The following KCNK2 variants were observed in gnomAD, a reference collection of about 807,000 sequenced individuals.
KCNK2 encodes potassium channel subfamily K member 2.
In KCNK2, 21 loss-of-function variants were observed where a neutral mutation model predicts 40.5. The observed-to-expected ratio is 0.52, with a 90% CI of 0.37 to 0.75. KCNK2 has a LOEUF of 0.75. Among genes scored for constraint, KCNK2 ranks in the 30% least tolerant of loss-of-function variants. KCNK2 has a pLI of 0.00. For missense variants in KCNK2, 399 were observed against 531.6 expected, an observed-to-expected ratio of 0.75 and a Z score of 2.45; for synonymous variants, 191 against 202.2, an observed-to-expected ratio of 0.94 and a Z score of 0.47.
At chr1:215,074,897 TG>T (rs1368647244) in intron 1 of KCNK2, among the ~76,000 whole-genome samples, 3 of 152,158 alleles carry the variant, frequency 2.0e-5, no homozygotes, top group Admixed American at 2.0e-4. Context: ...CTCCCGAAAA[TG>T]GAGTAAATTC....
upstream of KCNK2, among the ~76,000 whole-genome samples, chr1:215,080,149 T>A (rs925766919): frequency 9.9e-5 from 15 of 152,020 alleles, no homozygotes; most frequent in East Asian, 1.9e-4. Flanking sequence ...GTTCCATGAG[T>A]CTGGAAAAAC....
intron 6 of KCNK2, among the ~76,000 whole-genome samples, chr1:215,196,609 G>T (rs960002836): frequency 3.3e-5 from 5 of 152,122 alleles, no homozygotes; most frequent in African/African-American, 1.2e-4. Flanking sequence ...TAAACTGTAT[G>T]AAAAGCCTTG....
intron 1 of KCNK2, among the ~76,000 whole-genome samples, chr1:215,060,955 A>G (rs61818277): frequency 6.6e-6 from 1 of 152,196 alleles, no homozygotes; most frequent in African/African-American, 2.4e-5. Flanking sequence ...GAAGACATGA[A>G]TGTTAGGAAA....
intron 3 of KCNK2, among the ~76,000 whole-genome samples, chr1:215,133,154 C>T (rs1661749566): frequency 6.6e-6 from 1 of 152,154 alleles, no homozygotes; most frequent in Non-Finnish European, 1.5e-5. Flanking sequence ...TTGCCCATAT[C>T]TCTAGTGTAA....
intron 5 of KCNK2, among the ~76,000 whole-genome samples, chr1:215,176,120 T>A (rs904286111): frequency 2.0e-5 from 3 of 152,158 alleles, no homozygotes; most frequent in Admixed American, 2.0e-4. Flanking sequence ...CGTCAGTGTG[T>A]AAGCATTCTC....
Position 215,235,141 on chromosome 1 carries a change from A to G in KCNK2, c.1277A>G (p.Lys426Arg), listed in dbSNP as rs1256367886. ...GEEIAVIENI[K>R] ...GAGATTGCTGTGATTGAGAACATCAAATAGCCCTCTCTTTAAATAACCTTA... is the reference window on the plus strand; with the variant it reads ...GAGATTGCTGTGATTGAGAACATCAGATAGCCCTCTCTTTAAATAACCTTA... Residue 426 changes from lysine to arginine, a missense_variant, in exon 7 of 7, where the codon AAA (lysine) becomes AGA (arginine). Coordinates refer to ENST00000444842, the MANE Select transcript of KCNK2 (RefSeq NM_001017425.3). 6.3e-7 allele frequency: 1 copy of G among 1,593,166 alleles called. No individual in the cohort carries two copies. The highest frequency in any genetic ancestry group is 2.3e-5 in the East Asian group (1 of 44,240).
At chr1:215,172,634 A>G (rs1037548582) in intron 5 of KCNK2, among the ~76,000 whole-genome samples, 4 of 152,176 alleles carry the variant, frequency 2.6e-5, no homozygotes, top group African/African-American at 9.6e-5. Flanking sequence ...AATTACATTT[A>G]CAGGAGCCTT....
intron 2 of KCNK2, among the ~76,000 whole-genome samples, chr1:215,122,907 G>T (rs1331347365): frequency 6.6e-6 from 1 of 151,716 alleles, no homozygotes; most frequent in African/African-American, 2.4e-5. Flanking sequence ...ACCACGCTCG[G>T]CTAGTTTTTT....
At chr1:215,142,794 A>T (rs75222871) in intron 3 of KCNK2, among the ~76,000 whole-genome samples, 2 of 149,290 alleles carry the variant, frequency 1.3e-5, no homozygotes, top group African/African-American at 2.5e-5. Context: ...ATGAAGAAAT[A>T]TTTTTTTTTT....
chr1:215,161,378 G>A lies in KCNK2; in HGVS notation c.476-7821G>A, dbSNP rs532168708. ...TGAACCCTACTTATTTCTGCTACTT[G>A]GGAAACTTTTTTTATGGGGCTTGCT... On this transcript the variant is annotated intron_variant, in intron 3 of 6. Transcript: ENST00000444842. 4.0e-5 allele frequency among the ~76,000 whole-genome samples: 6 copies of A among 151,050 alleles called. No homozygotes were observed. The East Asian group carries it at 1.2e-3, about 30-fold the overall frequency.
intron 6 of KCNK2, among the ~76,000 whole-genome samples, chr1:215,224,741 TG>T (rs1182343361): frequency 6.6e-6 from 1 of 152,152 alleles, no homozygotes; most frequent in African/African-American, 2.4e-5. Context: ...CACTCGTGTG[TG>T]TAGTAAAATA....
intron 3 of KCNK2, among the ~76,000 whole-genome samples, chr1:215,147,807 C>T (rs531282751): frequency 6.6e-6 from 1 of 152,092 alleles, no homozygotes; most frequent in East Asian, 1.9e-4. Flanking sequence ...TGCACTCCAG[C>T]CTGGGTGACA....
chr1:215,111,157 T>C lies in KCNK2; in HGVS notation c.358-13476T>C, dbSNP rs533353568. 2.6e-5 allele frequency among the ~76,000 whole-genome samples: 4 copies of C among 152,166 alleles called. No homozygotes were observed. The South Asian group carries it at 6.2e-4, about 24-fold the overall frequency. On this transcript the variant is annotated intron_variant, in intron 2 of 6. Coordinates refer to ENST00000444842, the MANE Select transcript of KCNK2 (RefSeq NM_001017425.3). ...TTAACGTTTTCTGCATGTCTTTTCA[T>C]GTAATCTGAGAGCAGAGGTAATTTC...
At chr1:215,147,726 T>C (rs1417403277) in intron 3 of KCNK2, among the ~76,000 whole-genome samples, 1 of 152,114 alleles carries the variant, frequency 6.6e-6, no homozygotes, top group Non-Finnish European at 1.5e-5. Flanking sequence ...TCTGAGCTAC[T>C]TGGGAGGCTG....
intron 1 of KCNK2, among the ~76,000 whole-genome samples, chr1:215,066,019 AAAACC>A (rs1240405020): frequency 6.6e-6 from 1 of 152,158 alleles, no homozygotes; most frequent in East Asian, 1.9e-4. Flanking sequence ...ACAAGAACAG[AAAACC>A]AAACACCATA....
chr1:215,032,433 G>A (rs1034096604), intron 1 of KCNK2, among the ~76,000 whole-genome samples: 3 of 151,888 alleles, frequency 2.0e-5, no homozygotes, highest in Non-Finnish European at 4.4e-5. Context: ...ACAAAAAACA[G>A]TAAACTTTTT....
At chr1:215,224,903 A>T (rs918191842) in intron 6 of KCNK2, among the ~76,000 whole-genome samples, 1 of 152,154 alleles carries the variant, frequency 6.6e-6, no homozygotes, top group Non-Finnish European at 1.5e-5. Context: ...AGAAATTCCT[A>T]GGGGCAATTG....
chr1:215,005,661 A>G (rs936717194), upstream of KCNK2: 4 of 400,980 alleles, frequency 1.0e-5, no homozygotes, highest in African/African-American at 4.1e-5. Flanking sequence ...TAATCAGGGA[A>G]TTTCTTCCTG....
chr1:215,064,752 A>T (rs1240430056), intron 1 of KCNK2, among the ~76,000 whole-genome samples: 1 of 152,228 alleles, frequency 6.6e-6, no homozygotes, highest in Non-Finnish European at 1.5e-5. Context: ...GCCAAGCTTC[A>T]TTGACAGCAC....
Sources: gnomAD v4.1 joint callset for allele counts (sites outside exome capture counted in the v4.1 genomes callset) on GRCh38, gnomAD v4.1.1 for gene constraint, MANE v1.5 for transcripts, NCBI Gene and HGNC (gene_info 2026-07-23, HGNC 2026-07-21) for gene names.